CD163L1: variants seen among roughly 807,000 people sequenced by gnomAD.
CD163L1 encodes CD163 molecule like 1.
A neutral mutation model predicts 165.4 loss-of-function variants in CD163L1; 124 were observed. The observed-to-expected ratio is 0.75, with a 90% confidence interval of 0.65 to 0.87. The LOEUF (loss-of-function observed/expected upper bound fraction) is 0.87, where lower values mean the gene tolerates loss of function less well. Ranked by LOEUF, CD163L1 falls within the 40% of genes least tolerant of loss-of-function variation. The probability of loss-of-function intolerance (pLI) is 0.00; values close to 1 mark genes in which losing one functional copy is unlikely to be tolerated. For missense variants in CD163L1, 1,525 were observed against 1,799.9 expected (o/e 0.85, Z 2.76); for synonymous variants, 585 against 662.2 (o/e 0.88, Z 1.79).
chr12:7,427,560 C>G (rs1948566243), intron 4 of CD163L1, among the ~76,000 whole-genome samples: 1 of 151,972 alleles, frequency 6.6e-6, no homozygotes, highest in African/African-American at 2.4e-5. Context: ...ATTCTTATGG[C>G]CTTGATGGTG....
At position 7,432,324 on chromosome 12, in the gene CD163L1, C is replaced by A; in HGVS notation, c.766+92G>T. 2.0e-6 allele frequency: 2 copies of A among 984,556 alleles called. No homozygotes were observed. Among genetic ancestry groups the A allele is most frequent in the Non-Finnish European group, 3.0e-6 (2 of 669,564 alleles). The allele number at this position is 984,556 out of a possible 1,614,324, so 61.0% of individuals were successfully genotyped here. A position where few individuals can be genotyped will look rare whatever the true frequency, so the allele number is the denominator to read the frequency against. Reference sequence around the variant, plus strand: ...AAATGTGTTATAACCAGAGAAAATTCTTCTCCAGAGAATGATTGACCTTTT... The same window carrying A: ...AAATGTGTTATAACCAGAGAAAATTATTCTCCAGAGAATGATTGACCTTTT... On this transcript the variant is annotated intron_variant, in intron 4 of 19. Transcript: ENST00000313599. The surrounding 1 kb of genome is among the most constrained non-coding windows in gnomAD (Gnocchi z 4.2).
At chr12:7,426,874 T>A (rs1948552319) in intron 4 of CD163L1, among the ~76,000 whole-genome samples, 1 of 152,122 alleles carries the variant, frequency 6.6e-6, no homozygotes, top group African/African-American at 2.4e-5. Context: ...GTATTTCATG[T>A]AAATGGCAAC....
At chr12:7,436,601 A>G (rs1242071706) in intron 2 of CD163L1, among the ~76,000 whole-genome samples, 1 of 152,034 alleles carries the variant, frequency 6.6e-6, no homozygotes, top group Non-Finnish European at 1.5e-5. Context: ...GTGAGACCCT[A>G]CCTGTAAAAA....
intron 6 of CD163L1, among the ~76,000 whole-genome samples, chr12:7,401,448 T>A (rs1947914169): frequency 6.6e-6 from 1 of 152,084 alleles, no homozygotes; most frequent in Non-Finnish European, 1.5e-5. Flanking sequence ...TCCAAGACTT[T>A]AAAAAAAGAT....
At chr12:7,390,505 T>G (rs1947630726) in intron 8 of CD163L1, among the ~76,000 whole-genome samples, 1 of 151,998 alleles carries the variant, frequency 6.6e-6, no homozygotes, top group African/African-American at 2.4e-5. Flanking sequence ...TATAGATCAG[T>G]AAAAATAATA....
intron 4 of CD163L1, among the ~76,000 whole-genome samples, chr12:7,409,215 ATATT>A (rs1233247034): frequency 6.6e-6 from 1 of 152,172 alleles, no homozygotes; most frequent in African/African-American, 2.4e-5. Context: ...ATTTGTAAAT[ATATT>A]TAAGTGTATT....
At chr12:7,408,651 T>C (rs956882740) in intron 4 of CD163L1, among the ~76,000 whole-genome samples, 2 of 152,218 alleles carry the variant, frequency 1.3e-5, no homozygotes, top group Non-Finnish European at 2.9e-5. Context: ...TGTTCTTTTC[T>C]TAATCTAATA....
chr12:7,428,220 G>A lies in CD163L1; in HGVS notation c.766+4196C>T, dbSNP rs73272449. Reference sequence around the variant, plus strand: ...AACTATCATCCAGAAACTAAAATACGGAGTAAAATTAGGGAATATATTTTA... The same window carrying A: ...AACTATCATCCAGAAACTAAAATACAGAGTAAAATTAGGGAATATATTTTA... On this transcript the variant is annotated intron_variant, in intron 4 of 19. Coordinates refer to ENST00000313599, the MANE Select transcript of CD163L1 (RefSeq NM_174941.6). 6.9e-3 allele frequency among the ~76,000 whole-genome samples: 1,051 copies of A among 151,944 alleles called. 10 individuals carry two copies. Among genetic ancestry groups the A allele is most frequent in the African/African-American group, 0.024 (1,009 of 41,474 alleles).
chr12:7,355,165 T>C (rs1946747728), intron 19 of CD163L1, 35 bp from the exon 20 acceptor site: 1 of 152,158 alleles, frequency 6.6e-6, no homozygotes, highest in Non-Finnish European at 1.5e-5. Context: ...CAAGTTACTA[T>C]TCTTCTAAAT....
Position 7,368,976 on chromosome 12 carries a change from GA to G in CD163L1, c.4040-12del, listed in dbSNP as rs758320741. 29,988 of 1,611,222 alleles carry G rather than the reference GA, an allele frequency of 0.019. 346 individuals carry two copies. Among genetic ancestry groups the G allele is most frequent in the Non-Finnish European group, 0.022 (25,829 of 1,178,048 alleles). ...ATTTCAGCGACTGTCCTGAGAGAGA[GA>G]GAGAGAGAGAGAGACGTAAATGAAC... On this transcript the variant is annotated splice_polypyrimidine_tract_variant and intron_variant, in intron 15 of 19. Transcript: ENST00000313599. The surrounding 1 kb of genome is among the most constrained non-coding windows in gnomAD (Gnocchi z 4.3).
At chr12:7,358,346 T>C (rs770673613) in intron 18 of CD163L1, among the ~76,000 whole-genome samples, 1 of 152,258 alleles carries the variant, frequency 6.6e-6, no homozygotes, top group Admixed American at 6.5e-5. Flanking sequence ...GCAAAATCAT[T>C]CTGTGCTTTC....
At chr12:7,403,421 TG>T (rs1215173828) in intron 6 of CD163L1, 113 bp downstream of exon 6, 8 of 986,008 alleles carry the variant, frequency 8.1e-6, no homozygotes, top group African/African-American at 1.6e-5. Flanking sequence ...AAGAGTATTT[TG>T]GGTTTTTTTT....
chr12:7,351,135 A>G (rs1946704129), downstream of CD163L1, among the ~76,000 whole-genome samples: 1 of 152,152 alleles, frequency 6.6e-6, no homozygotes, highest in African/African-American at 2.4e-5. Context: ...AGAATATTAT[A>G]GATAAATGGA....
At chr12:7,321,364 A>G in the CD163L1 span, among the ~76,000 whole-genome samples, 2 of 152,246 alleles carry the variant, frequency 1.3e-5, no homozygotes, top group African/African-American at 4.8e-5. Context: ...ATATTTGTTT[A>G]ATTCAAACTC....
rs144832295 is a variant in CD163L1, at chr12:7,367,306, G to A, written c.4209C>T (p.Leu1403=). The A allele has an allele frequency of 3.0e-4, 483 of 1,612,792 alleles. No homozygotes were observed. The highest frequency in any genetic ancestry group is 3.9e-4 in the Non-Finnish European group (460 of 1,179,086). The change falls in exon 18 of 20, where the codon CTC becomes CTT. Residue 1403 remains leucine, a synonymous_variant. Transcript: ENST00000313599. The part of the protein sequence containing the change: ...LRVSTRRRGS[L]EENLFHEMET... ...CCATCTCATGGAATAAATTCTCCTC[G>A]AGAGAACCCCTCCTTCTGGTTGAAA...
At chr12:7,362,985 A>G (rs1437982047) in intron 18 of CD163L1, among the ~76,000 whole-genome samples, 1 of 152,002 alleles carries the variant, frequency 6.6e-6, no homozygotes, top group Non-Finnish European at 1.5e-5. Context: ...AAAAAAATGG[A>G]AATGAAAACA....
chr12:7,407,782 TACACACAC>T (rs57031012), intron 4 of CD163L1, among the ~76,000 whole-genome samples: 7 of 143,894 alleles, frequency 4.9e-5, no homozygotes, highest in African/African-American at 1.3e-4. Context: ...CACACATCCA[TACACACAC>T]ACACACACAC....
chr12:7,330,978 A>T, the CD163L1 span, among the ~76,000 whole-genome samples: 35 of 152,230 alleles, frequency 2.3e-4, no homozygotes, highest in Non-Finnish European at 1.5e-5. Flanking sequence ...GAGCTGAAGC[A>T]GGGCGAGGCA....
the CD163L1 span, among the ~76,000 whole-genome samples, chr12:7,323,914 C>T: frequency 2.1e-4 from 32 of 152,158 alleles, no homozygotes; most frequent in African/African-American, 2.9e-4. Context: ...CAGTGGCTCA[C>T]GGCTATAATT....
Sources: allele counts gnomAD v4.1 joint callset (sites outside exome capture counted in the v4.1 genomes callset), GRCh38; gene constraint gnomAD v4.1.1; non-coding constraint Gnocchi (gnomAD v3.1); transcripts MANE v1.5; gene names NCBI Gene and HGNC (gene_info 2026-07-23, HGNC 2026-07-21).